The following PRKCH variants were observed in gnomAD, a reference collection of about 807,000 sequenced individuals.
The protein encoded by PRKCH is protein kinase C eta, also known as protein kinase C eta type.
Under a neutral mutation model 82.5 loss-of-function variants are expected in PRKCH, and 28 were observed. The ratio of observed to expected loss-of-function variants is 0.34; its 90% CI spans 0.25 to 0.47. The LOEUF is 0.47. Among genes scored for constraint, PRKCH ranks in the 20% least tolerant of loss-of-function variants. PRKCH has a pLI of 1.00. For synonymous variants in PRKCH, 322 were observed against 327.4 expected, an observed-to-expected ratio of 0.98 and a Z score of 0.18; for missense variants, 705 against 881.8, an observed-to-expected ratio of 0.80 and a Z score of 2.54.
At chr14:61,379,094 T>C (rs1294480871) in intron 1 of PRKCH, among the ~76,000 whole-genome samples, 1 of 152,242 alleles carries the variant, frequency 6.6e-6, no homozygotes, top group African/African-American at 2.4e-5. Context: ...TTGGATGCAC[T>C]TTCCTCTGCA....
chr14:61,474,641 C>A (rs1226161756), intron 9 of PRKCH, among the ~76,000 whole-genome samples: 1 of 152,128 alleles, frequency 6.6e-6, no homozygotes, highest in Non-Finnish European at 1.5e-5. Flanking sequence ...ACCAACATGG[C>A]ACATATATAC....
intron 2 of PRKCH, among the ~76,000 whole-genome samples, chr14:61,431,763 T>C (rs1183195723): frequency 6.6e-6 from 1 of 152,236 alleles, no homozygotes; most frequent in South Asian, 2.1e-4. Flanking sequence ...ATTTTCCTGG[T>C]AAAACCTTTT....
At chr14:61,541,232 T>C (rs1460909700) in intron 12 of PRKCH, among the ~76,000 whole-genome samples, 1 of 152,260 alleles carries the variant, frequency 6.6e-6, no homozygotes, top group Middle Eastern at 3.2e-3. Flanking sequence ...TGGGTCAGAA[T>C]CTGCGTGTGC....
rs144820351 is a variant in PRKCH, at chr14:61,457,272, G to A, written c.1057G>A (p.Asp353Asn). The change falls in exon 8 of 14, where the codon GAC becomes AAC. Residue 353 changes from aspartate to asparagine, a missense_variant. Asp to Asn is a conservative substitution (Grantham distance 23). Coordinates refer to ENST00000332981, the MANE Select transcript of PRKCH (RefSeq NM_006255.5). ...TAATTCTTCCAACCGACTTGGTATCGACAACTTTGAGTTCATCCGAGTGTT... is the reference window on the plus strand; with the variant it reads ...TAATTCTTCCAACCGACTTGGTATCAACAACTTTGAGTTCATCCGAGTGTT... ...GVNSSNRLGI[D>N]NFEFIRVLGK... 5.6e-6 allele frequency: 9 copies of A among 1,614,072 alleles called. No homozygotes were observed. In the East Asian group the frequency reaches 8.9e-5, roughly 16 times the overall value.
At chr14:61,227,736 G>A (rs1168070651) in intron 1 of PRKCH, among the ~76,000 whole-genome samples, 1 of 151,856 alleles carries the variant, frequency 6.6e-6, no homozygotes, top group African/African-American at 2.4e-5. Context: ...CTTTTAAATG[G>A]CAAAAACCGT....
At chr14:61,422,455 A>G (rs1882886035) in intron 2 of PRKCH, among the ~76,000 whole-genome samples, 1 of 152,092 alleles carries the variant, frequency 6.6e-6, no homozygotes, top group Non-Finnish European at 1.5e-5. Context: ...TTTCTAGAAT[A>G]TATCCTGTTC....
intron 10 of PRKCH, among the ~76,000 whole-genome samples, chr14:61,486,017 A>G (rs889776023): frequency 2.0e-5 from 3 of 152,188 alleles, no homozygotes; most frequent in Admixed American, 1.3e-4. Flanking sequence ...GGATAAATTA[A>G]TAACAGTAAT....
At chr14:61,243,423 A>G (rs887292160) in intron 1 of PRKCH, among the ~76,000 whole-genome samples, 2 of 151,698 alleles carry the variant, frequency 1.3e-5, no homozygotes, top group Non-Finnish European at 2.9e-5. Context: ...AAAAGTTGAA[A>G]TCTAAAGGAG....
At chr14:61,219,368 G>C (rs568851463) in intron 1 of PRKCH, among the ~76,000 whole-genome samples, 1 of 152,230 alleles carries the variant, frequency 6.6e-6, no homozygotes, top group Non-Finnish European at 1.5e-5. Flanking sequence ...AAGTGAAAGA[G>C]CCATTCTGTT....
intron 12 of PRKCH, among the ~76,000 whole-genome samples, chr14:61,533,094 T>C (rs2043061125): frequency 6.6e-6 from 1 of 152,206 alleles, no homozygotes; most frequent in Non-Finnish European, 1.5e-5. Flanking sequence ...TGAGCCTCTG[T>C]GCCTCTCTGA....
chr14:61,230,865 G>T (rs773384554), intron 1 of PRKCH, among the ~76,000 whole-genome samples: 2 of 152,172 alleles, frequency 1.3e-5, no homozygotes, highest in Non-Finnish European at 2.9e-5. Flanking sequence ...AGTCACAAAG[G>T]TGTGAATTAC....
intron 2 of PRKCH, among the ~76,000 whole-genome samples, chr14:61,427,258 A>T (rs998585881): frequency 1.3e-5 from 2 of 152,198 alleles, no homozygotes; most frequent in Non-Finnish European, 2.9e-5. Context: ...TTATCTAAGG[A>T]CTTAGAATCA....
intron 2 of PRKCH, among the ~76,000 whole-genome samples, chr14:61,437,828 G>T (rs1203564092): frequency 6.6e-6 from 1 of 151,996 alleles, no homozygotes; most frequent in Non-Finnish European, 1.5e-5. Context: ...CAGGTGCAAT[G>T]GCTCACACCT....
rs187763817 is a variant in PRKCH at position 61,470,654 on chromosome 14, A to G, written c.1278+12975A>G. On this transcript the variant is annotated intron_variant, in intron 9 of 13. Transcript: ENST00000332981. ...TCTTAGTTATAGCAAAAGAGCCTGT[A>G]TTTTTTAGCTCACTCCTGCCCACTT... is the stretch of plus-strand genomic sequence containing the variant. Among the ~76,000 whole-genome samples the G allele has an allele frequency of 3.0e-3, 460 of 152,052 alleles. 4 individuals carry two copies. The highest frequency in any genetic ancestry group is 1.0e-2 in the African/African-American group (414 of 41,472).
chr14:61,530,530 A>G lies in PRKCH; in HGVS notation c.1696A>G (p.Ile566Val), dbSNP rs374049317. 9 of 1,611,958 alleles carry G rather than the reference A, an allele frequency of 5.6e-6. No homozygotes were observed. The highest frequency in any genetic ancestry group is 7.6e-6 in the Non-Finnish European group (9 of 1,179,034). ...GAACGAAGATGACCTCTTTGAGGCC[A>G]TACTGAATGATGAGGTGGTCTACCC... ...AENEDDLFEA[I>V]LNDEVVYPTW... is the part of the protein sequence containing the mutation. The change falls in exon 12 of 14, where the codon ATA (isoleucine) becomes GTA (valine). Residue 566 changes from isoleucine to valine, a missense_variant. This residue lies in a region of PRKCH where 115 missense variants were observed against 193.8 expected (regional missense o/e 0.59). Coordinates refer to ENST00000332981, the MANE Select transcript of PRKCH (RefSeq NM_006255.5).
intron 2 of PRKCH, among the ~76,000 whole-genome samples, chr14:61,414,206 C>A (rs1250264202): frequency 1.3e-5 from 2 of 152,080 alleles, no homozygotes; most frequent in Non-Finnish European, 2.9e-5. Flanking sequence ...CAGCCCAGGT[C>A]TCTCCCCTGA....
At chr14:61,522,108 C>G (rs2042914565) in intron 10 of PRKCH, among the ~76,000 whole-genome samples, 1 of 152,168 alleles carries the variant, frequency 6.6e-6, no homozygotes, top group Non-Finnish European at 1.5e-5. Context: ...ATTCTGTGAT[C>G]CAGAACCTGC....
intron 1 of PRKCH, among the ~76,000 whole-genome samples, chr14:61,266,438 A>AATAAATAC (rs941441787): frequency 1.3e-5 from 2 of 152,142 alleles, no homozygotes; most frequent in African/African-American, 4.8e-5. Context: ...TAAATAAATA[A>AATAAATAC]ATACATAAAT....
chr14:61,201,075 G>T (rs1294003776), intron 1 of PRKCH, among the ~76,000 whole-genome samples: 2 of 152,156 alleles, frequency 1.3e-5, no homozygotes, highest in Admixed American at 6.5e-5. Context: ...TCAAGAGAGA[G>T]AATCCGTTTA....
Sources: gnomAD v4.1 joint callset for allele counts (sites outside exome capture counted in the v4.1 genomes callset) on GRCh38, gnomAD v4.1.1 for gene constraint, gnomAD v4.1.1 regional missense constraint, MANE v1.5 for transcripts, NCBI Gene and HGNC (gene_info 2026-07-23, HGNC 2026-07-21) for gene names.